The following B3GLCT variants were observed in gnomAD, a reference collection of about 807,000 sequenced individuals.
B3GLCT encodes the protein beta-1,3-glucosyltransferase.
A neutral mutation model predicts 63.4 loss-of-function variants in B3GLCT; 65 were observed. The observed-to-expected ratio is 1.03, with a 90% CI of 0.84 to 1.26. The LOEUF is 1.26. B3GLCT is among the 50% of genes most tolerant of loss of function. The pLI is 0.00. For missense variants in B3GLCT, 577 were observed against 604.8 expected (o/e 0.95, Z 0.48); for synonymous variants, 233 against 219.2 (o/e 1.06, Z -0.55).
At chr13:31,240,301 A>G (rs532880249) in intron 4 of B3GLCT, among the ~76,000 whole-genome samples, 20 of 152,278 alleles carry the variant, frequency 1.3e-4, no homozygotes, top group South Asian at 1.0e-3. Flanking sequence ...TAGCTTTTGA[A>G]GAGAACTGAC....
intron 2 of B3GLCT, among the ~76,000 whole-genome samples, chr13:31,220,407 C>A (rs1359865282): frequency 6.6e-6 from 1 of 152,160 alleles, no homozygotes; most frequent in African/African-American, 2.4e-5. Flanking sequence ...TCTTTCGTAT[C>A]TGAATAGCAA....
chr13:31,202,117 CAT>C (rs1434078560), intron 1 of B3GLCT, among the ~76,000 whole-genome samples: 4 of 152,224 alleles, frequency 2.6e-5, no homozygotes, highest in African/African-American at 4.8e-5. Context: ...CGTTCTGTCA[CAT>C]GTGAACAATC....
intron 2 of B3GLCT, among the ~76,000 whole-genome samples, chr13:31,221,561 A>C (rs1252018335): frequency 6.6e-6 from 1 of 152,210 alleles, no homozygotes; most frequent in Non-Finnish European, 1.5e-5. Flanking sequence ...GCATATAACT[A>C]TAGGTTCTCC....
chr13:31,213,854 TGTTCACATAGAG>T (rs1414897397), intron 1 of B3GLCT, among the ~76,000 whole-genome samples: 9 of 152,284 alleles, frequency 5.9e-5, no homozygotes, highest in African/African-American at 1.9e-4. Context: ...TTATCTAAAT[TGTTCACATAGAG>T]GTTCACATGG....
chr13:31,201,164 A>G (rs1308428906), intron 1 of B3GLCT, among the ~76,000 whole-genome samples: 1 of 152,014 alleles, frequency 6.6e-6, no homozygotes, highest in Non-Finnish European at 1.5e-5. Flanking sequence ...ATGATTTCAG[A>G]TTTTTTAGTA....
intron 2 of B3GLCT, among the ~76,000 whole-genome samples, chr13:31,219,064 G>T (rs1397118932): frequency 2.6e-5 from 4 of 151,984 alleles, no homozygotes; most frequent in African/African-American, 9.7e-5. Context: ...CCAAAAAATT[G>T]AGGAAGAGGG....
chr13:31,287,765 A>T (rs1372613940), intron 12 of B3GLCT, among the ~76,000 whole-genome samples: 1 of 152,194 alleles, frequency 6.6e-6, no homozygotes, highest in Non-Finnish European at 1.5e-5. Flanking sequence ...TTATACCTCT[A>T]TTCCATATGT....
At chr13:31,284,790 A>G in intron 11 of B3GLCT, 29 bp downstream of exon 11, 1 of 1,133,002 alleles carries the variant, frequency 8.8e-7, no homozygotes. Flanking sequence ...TACTCTCCTT[A>G]TTAAACATTG....
chr13:31,202,546 T>G (rs971334005), intron 1 of B3GLCT, among the ~76,000 whole-genome samples: 3 of 152,210 alleles, frequency 2.0e-5, no homozygotes, highest in African/African-American at 7.2e-5. Flanking sequence ...ACAAAACTAA[T>G]ATAATCTGGG....
At chr13:31,282,454 A>T (rs920771311) in intron 10 of B3GLCT, among the ~76,000 whole-genome samples, 1 of 152,086 alleles carries the variant, frequency 6.6e-6, no homozygotes, top group African/African-American at 2.4e-5. Flanking sequence ...CCTGGCTAAC[A>T]CGGTGAAACC....
At chr13:31,202,514 C>G (rs1566036779) in intron 1 of B3GLCT, among the ~76,000 whole-genome samples, 1 of 152,154 alleles carries the variant, frequency 6.6e-6, no homozygotes, top group Non-Finnish European at 1.5e-5. Context: ...TGCGAAGTAA[C>G]CCTTTAGCCC....
rs1432337158 is a variant in B3GLCT at position 31,310,264 on chromosome 13, A to G, written c.1065-7302A>G. Among the ~76,000 whole-genome samples the G allele has an allele frequency of 2.0e-5, 3 of 152,306 alleles. No individual in the cohort carries two copies. The East Asian group carries it at 5.8e-4, about 29-fold the overall frequency. ...CACCCTCTCATACAGAGGGCTACCC[A>G]CTTTGGGTCCCGTCTTGTGTTGAGA... On this transcript the variant is annotated intron_variant, in intron 12 of 14. Transcript: ENST00000343307.
At chr13:31,268,240 TAAA>T (rs1050815718) in intron 7 of B3GLCT, among the ~76,000 whole-genome samples, 1 of 152,176 alleles carries the variant, frequency 6.6e-6, no homozygotes, top group Non-Finnish European at 1.5e-5. Context: ...TATAAATAAA[TAAA>T]AAACCATATG....
At chr13:31,285,339 G>C (rs1873266649) in intron 11 of B3GLCT, among the ~76,000 whole-genome samples, 1 of 152,094 alleles carries the variant, frequency 6.6e-6, no homozygotes, top group Admixed American at 6.5e-5. Context: ...CGAGGGATGA[G>C]AAATTACCCA....
chr13:31,233,399 A>G (rs566438685), intron 4 of B3GLCT, among the ~76,000 whole-genome samples: 16 of 152,320 alleles, frequency 1.1e-4, no homozygotes, highest in Non-Finnish European at 1.8e-4. Context: ...TGACTTAAAG[A>G]AGATGGAAAT....
In B3GLCT at chr13:31,279,582, G is replaced by A. The variant is rs144195423; in HGVS notation, c.850+2811G>A. On this transcript the variant is annotated intron_variant, in intron 10 of 14. Transcript: ENST00000343307. ...GTCACAGAGATCACTTGCTTCACAA[G>A]GTAATAAAATAGCACAAGGCAAATG... Among the ~76,000 whole-genome samples the A allele has an allele frequency of 6.4e-3, 976 of 152,212 alleles. 13 individuals carry two copies. Among genetic ancestry groups the A allele is most frequent in the African/African-American group, 0.023 (942 of 41,532 alleles).
At chr13:31,233,451 G>T (rs1326694516) in intron 4 of B3GLCT, among the ~76,000 whole-genome samples, 1 of 152,070 alleles carries the variant, frequency 6.6e-6, no homozygotes, top group East Asian at 1.9e-4. Flanking sequence ...AATGGAAGAT[G>T]TACTTCTCCC....
intron 12 of B3GLCT, 132 bp from the exon 13 acceptor site, chr13:31,317,434 C>A: frequency 9.3e-7 from 1 of 1,072,544 alleles, no homozygotes; most frequent in Non-Finnish European, 1.4e-6. Flanking sequence ...TTATAAGTCA[C>A]TCAAATTTCT....
At chr13:31,215,476 C>T (rs949731856) in intron 2 of B3GLCT, among the ~76,000 whole-genome samples, 2 of 152,084 alleles carry the variant, frequency 1.3e-5, no homozygotes, top group Non-Finnish European at 2.9e-5. Flanking sequence ...TGCAGTGGCA[C>T]GATCTCAGAT....
Sources: allele counts gnomAD v4.1 joint callset (sites outside exome capture counted in the v4.1 genomes callset), GRCh38; gene constraint gnomAD v4.1.1; transcripts MANE v1.5; gene names NCBI Gene and HGNC (gene_info 2026-07-23, HGNC 2026-07-21).